The following ADAM32 variants were observed in gnomAD, a reference collection of about 807,000 sequenced individuals.
ADAM32 encodes the protein ADAM metallopeptidase domain 32.
Under a neutral mutation model 114.9 loss-of-function variants are expected in ADAM32, and 89 were observed. The ratio of observed to expected loss-of-function variants is 0.77; its 90% confidence interval spans 0.65 to 0.92. The LOEUF is 0.92. Among genes scored for constraint, ADAM32 ranks in the 40% least tolerant of loss-of-function variants. ADAM32 has a pLI of 0.00. For missense variants in ADAM32, 870 were observed against 932.8 expected (o/e 0.93, Z 0.88); for synonymous variants, 285 against 307.5 (o/e 0.93, Z 0.77).
intron 24 of ADAM32, 79 bp downstream of exon 24, chr8:39,283,703 C>A: frequency 8.5e-7 from 1 of 1,178,574 alleles, no homozygotes; most frequent in East Asian, 2.6e-5. Context: ...CTATTAATTC[C>A]TAAGTATGGA....
Position 39,165,062 on chromosome 8 carries a change from G to C in ADAM32, c.699G>C (p.Leu233=), listed in dbSNP as rs747983955. The C allele has an allele frequency of 6.2e-7, 1 of 1,607,736 alleles. No individual in the cohort carries two copies. Among genetic ancestry groups the C allele is most frequent in the East Asian group, 2.2e-5 (1 of 44,730 alleles). Residue 233 remains leucine, a synonymous_variant, in exon 9 of 25, where the codon CTG becomes CTC. Coordinates refer to ENST00000379907, the MANE Select transcript of ADAM32 (RefSeq NM_145004.7). The stretch of plus-strand genomic sequence containing the variant: ...CCCAATTTAAAGTTACTATTGTGCT[G>C]TCATCATTGGAGTTATGGTCAGATG... ...MFTQFKVTIV[L]SSLELWSDEN...
At chr8:39,179,908 T>C (rs1299390424) in intron 10 of ADAM32, among the ~76,000 whole-genome samples, 1 of 152,212 alleles carries the variant, frequency 6.6e-6, no homozygotes, top group Non-Finnish European at 1.5e-5. Context: ...CCCGCTTCAA[T>C]GAAAACACTT....
At chr8:39,120,679 T>C (rs545258521) in intron 2 of ADAM32, among the ~76,000 whole-genome samples, 2 of 149,988 alleles carry the variant, frequency 1.3e-5, no homozygotes, top group East Asian at 2.0e-4. Context: ...GGAGAATTGC[T>C]TGAACCCAGG....
intron 19 of ADAM32, among the ~76,000 whole-genome samples, chr8:39,258,154 C>T (rs1811780743): frequency 6.6e-6 from 1 of 151,084 alleles, no homozygotes; most frequent in African/African-American, 2.4e-5. Flanking sequence ...TTTTCATGAG[C>T]AGTCCGCTCA....
chr8:39,184,428 G>A (rs1806094927), intron 10 of ADAM32, among the ~76,000 whole-genome samples: 1 of 152,144 alleles, frequency 6.6e-6, no homozygotes, highest in Non-Finnish European at 1.5e-5. Context: ...CATATCTGAA[G>A]TTCTTTTGGA....
At chr8:39,257,580 GA>G (rs2129450689) in intron 19 of ADAM32, among the ~76,000 whole-genome samples, 2 of 138,788 alleles carry the variant, frequency 1.4e-5, no homozygotes, top group African/African-American at 5.6e-5. Context: ...GAGAGAGGAA[GA>G]AGTCAAATGT....
At chr8:39,236,561 C>A (rs185173497) in intron 16 of ADAM32, among the ~76,000 whole-genome samples, 1 of 152,208 alleles carries the variant, frequency 6.6e-6, no homozygotes, top group African/African-American at 2.4e-5. Context: ...AAAAAGTATT[C>A]ATATACTCTT....
At chr8:39,191,486 C>G (rs1405412149) in intron 11 of ADAM32, among the ~76,000 whole-genome samples, 1 of 152,170 alleles carries the variant, frequency 6.6e-6, no homozygotes, top group Non-Finnish European at 1.5e-5. Flanking sequence ...TTTTGATGTG[C>G]ATTTCTCAAA....
chr8:39,273,194 C>G (rs994285815), intron 20 of ADAM32, among the ~76,000 whole-genome samples: 10 of 151,822 alleles, frequency 6.6e-5, no homozygotes, highest in African/African-American at 2.2e-4. Context: ...AAGGAGTACG[C>G]TCTAAAATAA....
At chr8:39,158,092 C>A in intron 6 of ADAM32, 1 of 240,642 alleles carries the variant, frequency 4.2e-6, no homozygotes, top group South Asian at 6.6e-5. Context: ...CTTGTCCTGC[C>A]CAAACGCTTG....
intron 1 of ADAM32, among the ~76,000 whole-genome samples, chr8:39,110,222 C>T (rs1840103321): frequency 6.6e-6 from 1 of 152,132 alleles, no homozygotes; most frequent in Admixed American, 6.5e-5. Context: ...GTGCCTGCTA[C>T]CATGCCCAGC....
At chr8:39,235,122 GAAAT>G (rs1229141659) in intron 16 of ADAM32, among the ~76,000 whole-genome samples, 4 of 151,648 alleles carry the variant, frequency 2.6e-5, no homozygotes, top group African/African-American at 9.7e-5. Flanking sequence ...TTGGATATAT[GAAAT>G]AAATAAATAA....
At chr8:39,134,557 GTT>G (rs1242813117) in intron 2 of ADAM32, among the ~76,000 whole-genome samples, 1 of 152,054 alleles carries the variant, frequency 6.6e-6, no homozygotes, top group Non-Finnish European at 1.5e-5. Flanking sequence ...TAGATTCTCT[GTT>G]TGACATGTGC....
intron 12 of ADAM32, among the ~76,000 whole-genome samples, chr8:39,218,560 G>T (rs1808742679): frequency 2.0e-5 from 3 of 152,326 alleles, no homozygotes; most frequent in South Asian, 4.2e-4. Flanking sequence ...TACTGTGGCT[G>T]ATCTGGCATT....
At chr8:39,161,079 G>T in intron 7 of ADAM32, 114 bp downstream of exon 7, 1 of 923,842 alleles carries the variant, frequency 1.1e-6, no homozygotes. Context: ...ATGTCATAGA[G>T]ACAATAGTGG....
chr8:39,270,711 T>C (rs1217155112), intron 19 of ADAM32, among the ~76,000 whole-genome samples, 165 bp from the exon 20 acceptor site: 1 of 152,178 alleles, frequency 6.6e-6, no homozygotes, highest in Non-Finnish European at 1.5e-5. Context: ...TAAATAAAAA[T>C]GTTATTTATT....
In ADAM32 at chr8:39,165,037, C is replaced by T; in HGVS notation, c.674C>T (p.Thr225Ile). The T allele has an allele frequency of 6.3e-7, 1 of 1,593,610 alleles. No homozygotes were observed. The highest frequency in any genetic ancestry group is 1.1e-5 in the South Asian group (1 of 87,262). The change falls in exon 9 of 25, where the codon ACC (threonine) becomes ATC (isoleucine). Residue 225 changes from threonine to isoleucine, a missense_variant. Physicochemically the swap from Thr to Ile is moderately conservative, Grantham distance 89. Transcript: ENST00000379907. The part of the protein sequence containing the change: ...EIVGLANSMF[T>I]QFKVTIVLSS... ...TATCTCTTCTGTTTTTAGATGTTCACCCAATTTAAAGTTACTATTGTGCTG... is the reference window on the plus strand; with the variant it reads ...TATCTCTTCTGTTTTTAGATGTTCATCCAATTTAAAGTTACTATTGTGCTG...
chr8:39,270,029 TTCACTA>T (rs60127463), intron 19 of ADAM32, among the ~76,000 whole-genome samples: 32,607 of 151,862 alleles, frequency 0.21, 3,692 homozygotes, highest in East Asian at 0.28. Context: ...TGAGAACTCA[TTCACTA>T]TCACGAGAAA....
chr8:39,223,507 C>T (rs532488361), intron 14 of ADAM32: 6 of 185,322 alleles, frequency 3.2e-5, no homozygotes, highest in Admixed American at 2.4e-4. Context: ...TCTTTGCTGA[C>T]GTATAATTGA....
Sources: allele counts gnomAD v4.1 joint callset (sites outside exome capture counted in the v4.1 genomes callset), GRCh38; gene constraint gnomAD v4.1.1; transcripts MANE v1.5; gene names NCBI Gene and HGNC (gene_info 2026-07-23, HGNC 2026-07-21).